CPNE4: variants seen among roughly 807,000 people sequenced by gnomAD.
CPNE4 encodes copine 4, also known as copine-4.
A neutral mutation model predicts 67.9 loss-of-function variants in CPNE4; 25 were observed. The observed-to-expected ratio is 0.37, with a 90% CI of 0.27 to 0.51. CPNE4 has a LOEUF of 0.51. Ranked by LOEUF, CPNE4 falls within the 20% of genes least tolerant of loss-of-function variation. The probability of loss-of-function intolerance (pLI) is 0.93; values close to 1 mark genes in which losing one functional copy is unlikely to be tolerated. For synonymous variants in CPNE4, 242 were observed against 244.9 expected, an observed-to-expected ratio of 0.99 and a Z score of 0.11; for missense variants, 464 against 690.8, an observed-to-expected ratio of 0.67 and a Z score of 3.68.
At chr3:131,959,621 T>A (rs2072106006) in intron 1 of CPNE4, among the ~76,000 whole-genome samples, 1 of 152,114 alleles carries the variant, frequency 6.6e-6, no homozygotes, top group Admixed American at 6.5e-5. Flanking sequence ...AAAATCCAAT[T>A]AAAAAATATA....
chr3:132,025,597 G>T (rs1285076423), intron 1 of CPNE4, among the ~76,000 whole-genome samples: 1 of 152,168 alleles, frequency 6.6e-6, no homozygotes, highest in Admixed American at 6.5e-5. Flanking sequence ...CTGCAACACA[G>T]CAAACCATTA....
chr3:131,808,164 T>C (rs1440406391), intron 2 of CPNE4, among the ~76,000 whole-genome samples: 1 of 152,170 alleles, frequency 6.6e-6, no homozygotes, highest in Admixed American at 6.5e-5. Flanking sequence ...CAGAGTCTAC[T>C]GTCCTAAACG....
intron 2 of CPNE4, among the ~76,000 whole-genome samples, chr3:131,737,963 A>G (rs1394004842): frequency 6.6e-6 from 1 of 152,224 alleles, no homozygotes; most frequent in South Asian, 2.1e-4. Context: ...TTATTTACTC[A>G]AGGAAGATTG....
intron 2 of CPNE4, among the ~76,000 whole-genome samples, chr3:131,835,667 C>A (rs555237038): frequency 1.9e-4 from 29 of 152,176 alleles, no homozygotes; most frequent in Non-Finnish European, 3.2e-4. Context: ...CACTCCCCAC[C>A]AGCCTATCTG....
intron 2 of CPNE4, among the ~76,000 whole-genome samples, chr3:131,827,943 A>C (rs2085227043): frequency 6.6e-6 from 1 of 152,022 alleles, no homozygotes; most frequent in Admixed American, 6.6e-5. Flanking sequence ...TATGCTCTTC[A>C]CAAAGAGCAT....
intron 14 of CPNE4, among the ~76,000 whole-genome samples, chr3:131,547,651 T>TGCCCAGCA (rs1935945427): frequency 6.6e-6 from 1 of 152,116 alleles, no homozygotes; most frequent in Admixed American, 6.6e-5. Context: ...AGAGTGTCTC[T>TGCCCAGCA]GCCCAGCATA....
chr3:131,644,998 A>G (rs1021700929), intron 7 of CPNE4, among the ~76,000 whole-genome samples: 1 of 152,246 alleles, frequency 6.6e-6, no homozygotes, highest in Non-Finnish European at 1.5e-5. Flanking sequence ...ATGAACTGGA[A>G]CTAGGAATTT....
chr3:131,696,469 CA>C (rs1382654988), intron 5 of CPNE4, 72 bp downstream of exon 5: 3 of 1,389,246 alleles, frequency 2.2e-6, no homozygotes, highest in Admixed American at 3.5e-5. Context: ...AAAATAGTTG[CA>C]GGGGGAAATC....
upstream of CPNE4, chr3:132,035,063 C>T: frequency 2.0e-6 from 2 of 985,446 alleles, no homozygotes; most frequent in South Asian, 4.7e-5. Context: ...CCGAAACCTC[C>T]GCGCGAGCGC....
At chr3:131,720,350 T>C (rs1206175318) in intron 3 of CPNE4, among the ~76,000 whole-genome samples, 1 of 148,784 alleles carries the variant, frequency 6.7e-6, no homozygotes, top group Non-Finnish European at 1.5e-5. Context: ...AGTGGCATGA[T>C]CTCGGCTCAA....
chr3:131,742,296 C>T (rs762442543), intron 2 of CPNE4, among the ~76,000 whole-genome samples: 3 of 152,096 alleles, frequency 2.0e-5, no homozygotes, highest in Admixed American at 1.3e-4. Flanking sequence ...TCTGGGACAC[C>T]GGTCTTCTCC....
chr3:131,654,700 G>T (rs952613752), intron 7 of CPNE4, among the ~76,000 whole-genome samples: 19 of 152,200 alleles, frequency 1.2e-4, no homozygotes, highest in African/African-American at 3.9e-4. Context: ...GGCATGCGAT[G>T]AATTTTCACC....
At chr3:131,972,627 A>G (rs2072535001) in intron 1 of CPNE4, among the ~76,000 whole-genome samples, 5 of 152,186 alleles carry the variant, frequency 3.3e-5, no homozygotes, top group Admixed American at 3.3e-4. Context: ...TACAGCTCAC[A>G]ACAGGACCTA....
chr3:131,643,955 TC>T (rs2079599691), intron 7 of CPNE4, among the ~76,000 whole-genome samples: 1 of 152,136 alleles, frequency 6.6e-6, no homozygotes, highest in Admixed American at 6.5e-5. Context: ...TCCATATAAA[TC>T]ACCCAGTCTT....
intron 2 of CPNE4, among the ~76,000 whole-genome samples, chr3:131,890,482 A>G (rs536803686): frequency 6.6e-6 from 1 of 151,958 alleles, no homozygotes; most frequent in African/African-American, 2.4e-5. Flanking sequence ...TAGAACCCTT[A>G]TACACTGTTG....
At chr3:131,954,181 G>T (rs56225941) in intron 1 of CPNE4, among the ~76,000 whole-genome samples, 24,241 of 151,862 alleles carry the variant, frequency 0.16, 2,194 homozygotes, top group African/African-American at 0.25. Context: ...TCTAAAATAT[G>T]TTAGAAAAAT....
At chr3:131,843,513 G>T (rs1055157475) in intron 2 of CPNE4, among the ~76,000 whole-genome samples, 3 of 152,234 alleles carry the variant, frequency 2.0e-5, no homozygotes, top group Non-Finnish European at 4.4e-5. Flanking sequence ...ACACATTTTA[G>T]ATACATTTTT....
intron 7 of CPNE4, among the ~76,000 whole-genome samples, chr3:131,649,894 G>A (rs946269770): frequency 4.6e-5 from 7 of 152,174 alleles, no homozygotes; most frequent in South Asian, 4.1e-4. Flanking sequence ...CCGTGGCTGC[G>A]TTGTGTGCTT....
intron 2 of CPNE4, among the ~76,000 whole-genome samples, chr3:131,799,717 T>C (rs960373565): frequency 6.6e-6 from 1 of 152,134 alleles, no homozygotes; most frequent in Non-Finnish European, 1.5e-5. Flanking sequence ...AATCACTCAC[T>C]GGTAAAACAT....
Sources: gnomAD v4.1 joint callset for allele counts (sites outside exome capture counted in the v4.1 genomes callset) on GRCh38, gnomAD v4.1.1 for gene constraint, MANE v1.5 for transcripts, NCBI Gene and HGNC (gene_info 2026-07-23, HGNC 2026-07-21) for gene names.